Variants in CACNA2D1 observed in about 807,000 individuals in gnomAD.
The protein encoded by CACNA2D1 is calcium voltage-gated channel auxiliary subunit alpha2delta 1.
Under a neutral mutation model 171.5 loss-of-function variants are expected in CACNA2D1, and 53 were observed. The observed-to-expected ratio is 0.31, with a 90% confidence interval of 0.25 to 0.39. The LOEUF (loss-of-function observed/expected upper bound fraction) is 0.39, where lower values mean the gene tolerates loss of function less well. CACNA2D1 is among the 10% of genes least tolerant of loss of function. The pLI is 1.00. For synonymous variants in CACNA2D1, 442 were observed against 443.1 expected, an observed-to-expected ratio of 1.00 and a Z score of 0.03; for missense variants, 903 against 1,299.8, an observed-to-expected ratio of 0.69 and a Z score of 4.69.
chr7:82,053,700 T>A (rs942087800), intron 10 of CACNA2D1, among the ~76,000 whole-genome samples: 3 of 151,592 alleles, frequency 2.0e-5, no homozygotes, highest in Admixed American at 2.0e-4. Context: ...TTCCTGATTA[T>A]TTATCTTTTA....
At chr7:82,276,875 A>G (rs1264304245) in intron 3 of CACNA2D1, among the ~76,000 whole-genome samples, 1 of 151,500 alleles carries the variant, frequency 6.6e-6, no homozygotes, top group Middle Eastern at 3.4e-3. Context: ...CAGCCTCCCA[A>G]GTAGCTTGGA....
At chr7:82,164,530 T>C (rs1241369272) in intron 4 of CACNA2D1, among the ~76,000 whole-genome samples, 1 of 152,032 alleles carries the variant, frequency 6.6e-6, no homozygotes, top group African/African-American at 2.4e-5. Flanking sequence ...AAGAAAAGAA[T>C]ACTGTTCTAG....
At chr7:81,950,539 AAAAG>A (rs1158712268) in intron 38 of CACNA2D1, 31 bp from the exon 39 acceptor site, 1 of 1,587,760 alleles carries the variant, frequency 6.3e-7, no homozygotes, top group South Asian at 1.2e-5. Context: ...AAAGAACAGA[AAAAG>A]AAAAATCTAA....
intron 3 of CACNA2D1, among the ~76,000 whole-genome samples, chr7:82,232,861 CAAAAAAAAAAAAAAAAAAAA>C (rs71093370): frequency 1.9e-5 from 1 of 52,412 alleles, no homozygotes; most frequent in Non-Finnish European, 3.4e-5. Flanking sequence ...GAGATGTCTC[CAAAAAAAAAAAAAAAAAAAA>C]AAAAAAAAAA....
At chr7:82,280,628 T>C (rs1470802811) in intron 3 of CACNA2D1, among the ~76,000 whole-genome samples, 2 of 152,224 alleles carry the variant, frequency 1.3e-5, no homozygotes, top group East Asian at 3.8e-4. Context: ...AGAAGCTTTT[T>C]ATGTAATCTC....
intron 38 of CACNA2D1, among the ~76,000 whole-genome samples, chr7:81,957,925 T>C (rs1057039773): frequency 6.6e-6 from 1 of 152,080 alleles, no homozygotes; most frequent in Non-Finnish European, 1.5e-5. Context: ...TTAATATTTC[T>C]AGTGTCAAAA....
intron 25 of CACNA2D1, among the ~76,000 whole-genome samples, chr7:81,972,303 A>C (rs917432536): frequency 6.6e-6 from 1 of 151,670 alleles, no homozygotes; most frequent in Non-Finnish European, 1.5e-5. Context: ...GAAATTATCA[A>C]GTAAAAACAT....
chr7:82,252,073 T>C (rs1010389968), intron 3 of CACNA2D1, among the ~76,000 whole-genome samples: 1 of 152,240 alleles, frequency 6.6e-6, no homozygotes, highest in Non-Finnish European at 1.5e-5. Context: ...AATATAACAA[T>C]GATTGTTTTC....
At chr7:81,970,466 G>A (rs879875392) in intron 27 of CACNA2D1, among the ~76,000 whole-genome samples, 7 of 151,398 alleles carry the variant, frequency 4.6e-5, no homozygotes, top group Non-Finnish European at 1.0e-4. Context: ...AACATATTTG[G>A]CAAGCAAAAA....
At chr7:82,139,843 G>A (rs1027072719) in intron 4 of CACNA2D1, among the ~76,000 whole-genome samples, 1 of 150,450 alleles carries the variant, frequency 6.6e-6, no homozygotes, top group Admixed American at 6.6e-5. Flanking sequence ...GGAGTGCAAT[G>A]GCATGATCTC....
At chr7:82,072,246 G>A (rs1055240992) in intron 7 of CACNA2D1, among the ~76,000 whole-genome samples, 2 of 151,986 alleles carry the variant, frequency 1.3e-5, no homozygotes, top group East Asian at 3.9e-4. Context: ...ATAATACAAA[G>A]AGATGATGAA....
intron 6 of CACNA2D1, among the ~76,000 whole-genome samples, chr7:82,112,885 A>G (rs947884281): frequency 2.0e-5 from 3 of 152,204 alleles, no homozygotes; most frequent in African/African-American, 4.8e-5. Flanking sequence ...ACACAATTGA[A>G]TATCAAGATA....
chr7:82,197,959 A>G (rs1004347970), intron 3 of CACNA2D1, among the ~76,000 whole-genome samples: 4 of 151,966 alleles, frequency 2.6e-5, no homozygotes, highest in African/African-American at 9.7e-5. Flanking sequence ...TATGCAACAC[A>G]TTTTCCACAT....
At chr7:81,989,518 A>G (rs190256115) in intron 21 of CACNA2D1, among the ~76,000 whole-genome samples, 1 of 152,192 alleles carries the variant, frequency 6.6e-6, no homozygotes, top group Non-Finnish European at 1.5e-5. Flanking sequence ...AGCGAAAATG[A>G]TGAGACAGTA....
intron 21 of CACNA2D1, among the ~76,000 whole-genome samples, chr7:81,990,320 G>A (rs950139088): frequency 7.2e-5 from 11 of 151,938 alleles, no homozygotes; most frequent in Non-Finnish European, 1.5e-4. Flanking sequence ...TTGAGCTTAT[G>A]TTTTTTCTTT....
At chr7:82,400,269 T>C (rs1020307210) in intron 1 of CACNA2D1, among the ~76,000 whole-genome samples, 64 of 151,812 alleles carry the variant, frequency 4.2e-4, no homozygotes, top group African/African-American at 1.4e-3. Flanking sequence ...GGGGATGGCA[T>C]TGAATCTGTA....
At chr7:82,302,183 G>A (rs531164184) in intron 3 of CACNA2D1, among the ~76,000 whole-genome samples, 2 of 152,048 alleles carry the variant, frequency 1.3e-5, no homozygotes, top group East Asian at 1.9e-4. Context: ...TAGAGTTCTA[G>A]ATTTTGGGGG....
In CACNA2D1 at chr7:82,049,488, A is replaced by T. The variant is rs534777182; in HGVS notation, c.879+10940T>A. 2.5e-4 allele frequency among the ~76,000 whole-genome samples: 38 copies of T among 152,322 alleles called. 1 individual carries two copies. The highest frequency in any genetic ancestry group is 4.4e-4 in the Non-Finnish European group (30 of 68,028). ...AGTGAAAAACATGATTATTTACAAC[A>T]AGCCCCAGTTAATCATCTGCTGAAC... On this transcript the variant is annotated intron_variant, in intron 10 of 38. Coordinates refer to ENST00000356860, the MANE Select transcript of CACNA2D1 (RefSeq NM_000722.4).
Position 82,047,631 on chromosome 7 carries a change from G to A in CACNA2D1, c.880-9396C>T, listed in dbSNP as rs114876512. On this transcript the variant is annotated intron_variant, in intron 10 of 38. Transcript: ENST00000356860. ...TTTTTTGTTCAGCACTGTTCTGATT[G>A]ACAAAAGGTAGAGTCAATTCAAGAA... Among the ~76,000 whole-genome samples the A allele has an allele frequency of 8.6e-3, 1,305 of 152,138 alleles. 22 individuals carry two copies. The highest frequency in any genetic ancestry group is 0.03 in the African/African-American group (1,227 of 41,518).
Sources: allele counts gnomAD v4.1 joint callset (sites outside exome capture counted in the v4.1 genomes callset), GRCh38; gene constraint gnomAD v4.1.1; transcripts MANE v1.5; gene names NCBI Gene and HGNC (gene_info 2026-07-23, HGNC 2026-07-21).